Variants in CAST observed in about 807,000 individuals in gnomAD.
CAST encodes the protein calpastatin, also known as MIR583 host.
CAST carries 76 observed loss-of-function variants against 119.6 expected under a neutral mutation model. That is an observed-to-expected ratio of 0.64 (90% CI 0.53 to 0.77). CAST has a LOEUF of 0.77. Among genes scored for constraint, CAST ranks in the 30% least tolerant of loss-of-function variants. CAST has a pLI of 0.00. For synonymous variants in CAST, 319 were observed against 331.6 expected (o/e 0.96, Z 0.41); for missense variants, 953 against 946.5 (o/e 1.01, Z -0.09).
At chr5:96,477,462 C>T in the CAST span, among the ~76,000 whole-genome samples, 2 of 152,164 alleles carry the variant, frequency 1.3e-5, no homozygotes. Context: ...ACTTCTAGGG[C>T]TAATTCAGCA....
In CAST at chr5:96,539,743, G is replaced by A. The variant is rs115481126; in HGVS notation, c.60+9863G>A. 4.6e-3 allele frequency among the ~76,000 whole-genome samples: 704 copies of A among 152,132 alleles called. 5 individuals are homozygous for A. The highest frequency in any genetic ancestry group is 0.016 in the African/African-American group (666 of 41,510). ...AATAAAAAGTGAATCTAAAAGAATCGATTTCTCATGGACAGCACATAGTTT... is the reference window on the plus strand; with the variant it reads ...AATAAAAAGTGAATCTAAAAGAATCAATTTCTCATGGACAGCACATAGTTT... On this transcript the variant is annotated intron_variant, in intron 1 of 11. Transcript: ENST00000505143.
rs537124708 is a variant in CAST, at chr5:96,648,374, C to T, written c.61-27165C>T. Among the ~76,000 whole-genome samples, 10 of 152,182 alleles carry T rather than the reference C, an allele frequency of 6.6e-5. No homozygotes were observed. In the South Asian group the frequency reaches 2.1e-3, roughly 32 times the overall value. Reference sequence around the variant, plus strand: ...AAGTTTACACTCCTCTCCTCATAAACTATTTATTTCTCTCTGTATATTTAA... The same window carrying T: ...AAGTTTACACTCCTCTCCTCATAAATTATTTATTTCTCTCTGTATATTTAA... On this transcript the variant is annotated intron_variant, in intron 1 of 11. Transcript: ENST00000505143.
chr5:96,513,197 T>A, the CAST span, among the ~76,000 whole-genome samples: 4 of 152,234 alleles, frequency 2.6e-5, no homozygotes, highest in African/African-American at 9.6e-5. Context: ...ATTAGTGGAT[T>A]TCTGAAATTT....
the CAST span, among the ~76,000 whole-genome samples, chr5:96,237,603 T>A: frequency 6.6e-6 from 1 of 152,190 alleles, no homozygotes; most frequent in Admixed American, 6.5e-5. Flanking sequence ...AAGCTTTACA[T>A]TGTTTTTGTC....
the CAST span, chr5:96,400,171 C>G: frequency 6.2e-7 from 1 of 1,613,856 alleles, no homozygotes; most frequent in Non-Finnish European, 8.5e-7. Context: ...GCATATCTCG[C>G]CAGGTGAGAT....
the CAST span, chr5:96,395,042 C>T: frequency 1.9e-6 from 3 of 1,587,212 alleles, no homozygotes; most frequent in Non-Finnish European, 2.6e-6. Context: ...AATAAGCATA[C>T]CTACATTTAG....
At chr5:96,768,338 C>T (rs551219672) in intron 29 of CAST, 6 of 428,312 alleles carry the variant, frequency 1.4e-5, no homozygotes, top group Admixed American at 6.3e-5. Context: ...CCAACCTCTA[C>T]CTCCCAAAGT....
At chr5:96,763,039 G>T in intron 25 of CAST, 1 of 733,054 alleles carries the variant, frequency 1.4e-6, no homozygotes. Flanking sequence ...AAATTATAAA[G>T]GGATTGCCCT....
the CAST span, among the ~76,000 whole-genome samples, chr5:96,047,189 C>G: frequency 6.6e-6 from 1 of 152,198 alleles, no homozygotes; most frequent in African/African-American, 2.4e-5. Flanking sequence ...AAACAAATAT[C>G]TTGCAAGCTC....
the CAST span, among the ~76,000 whole-genome samples, chr5:96,451,404 A>G: frequency 1.3e-5 from 2 of 152,222 alleles, no homozygotes; most frequent in African/African-American, 2.4e-5. Context: ...AGGATTCCCT[A>G]TTTAATAAAT....
the CAST span, among the ~76,000 whole-genome samples, chr5:95,972,753 C>A: frequency 6.6e-6 from 1 of 151,950 alleles, no homozygotes; most frequent in Non-Finnish European, 1.5e-5. Context: ...TCTGATAGTG[C>A]TTTTGGTGTT....
At chr5:96,705,772 A>G (rs1754837276) in intron 3 of CAST, among the ~76,000 whole-genome samples, 1 of 152,200 alleles carries the variant, frequency 6.6e-6, no homozygotes, top group Non-Finnish European at 1.5e-5. Context: ...CTAAGCACAT[A>G]CGGAGCCCTT....
the CAST span, among the ~76,000 whole-genome samples, chr5:95,986,867 A>G: frequency 6.6e-6 from 1 of 152,156 alleles, no homozygotes; most frequent in East Asian, 1.9e-4. Flanking sequence ...GTGCCAGGGT[A>G]GGGTTATATC....
chr5:96,159,359 T>G, the CAST span, among the ~76,000 whole-genome samples: 1 of 152,196 alleles, frequency 6.6e-6, no homozygotes, highest in Admixed American at 6.5e-5. Context: ...TGACTCTCCT[T>G]AAAATGCTAT....
the CAST span, among the ~76,000 whole-genome samples, chr5:96,237,756 TC>T: frequency 5.3e-4 from 81 of 152,252 alleles, no homozygotes; most frequent in Non-Finnish European, 9.1e-4. Flanking sequence ...ATTAAAAAAA[TC>T]TACTCTCAAT....
At chr5:96,736,335 G>C (rs754253957) in intron 10 of CAST, 95 bp downstream of exon 10, 8 of 698,330 alleles carry the variant, frequency 1.1e-5, no homozygotes, top group African/African-American at 7.5e-5. Context: ...AATATGAGGG[G>C]GGTAATTTAA....
intron 1 of CAST, among the ~76,000 whole-genome samples, chr5:96,531,095 A>G (rs1331535288): frequency 1.3e-5 from 2 of 152,164 alleles, no homozygotes; most frequent in Non-Finnish European, 2.9e-5. Flanking sequence ...ACCCCACTGC[A>G]AATAATTTTT....
At chr5:95,977,780 T>C in the CAST span, among the ~76,000 whole-genome samples, 10 of 152,148 alleles carry the variant, frequency 6.6e-5, no homozygotes, top group Admixed American at 2.0e-4. Context: ...TTATCTGTTT[T>C]TCCTGATCCT....
the CAST span, among the ~76,000 whole-genome samples, chr5:96,190,838 A>T: frequency 3.3e-5 from 5 of 152,170 alleles, no homozygotes; most frequent in African/African-American, 1.2e-4. Flanking sequence ...TCACCCAGGT[A>T]CTGAGCATGG....
Sources: gnomAD v4.1 joint callset for allele counts (sites outside exome capture counted in the v4.1 genomes callset) on GRCh38, gnomAD v4.1.1 for gene constraint, MANE v1.5 for transcripts, NCBI Gene and HGNC (gene_info 2026-07-23, HGNC 2026-07-21) for gene names.